MYBPC1: variants seen among roughly 807,000 people sequenced by gnomAD.
The protein encoded by MYBPC1 is myosin binding protein C1.
Under a neutral mutation model 147.1 loss-of-function variants are expected in MYBPC1, and 52 were observed. The observed-to-expected ratio is 0.35, with a 90% CI of 0.28 to 0.45. The LOEUF is 0.45. MYBPC1 is among the 20% of genes least tolerant of loss of function. The pLI is 1.00. For synonymous variants in MYBPC1, 477 were observed against 475.9 expected, an observed-to-expected ratio of 1.00 and a Z score of -0.03; for missense variants, 1,228 against 1,440.3, an observed-to-expected ratio of 0.85 and a Z score of 2.39.
At chr12:101,646,962 A>T in intron 13 of MYBPC1, 75 bp downstream of exon 13, 3 of 1,571,604 alleles carry the variant, frequency 1.9e-6, no homozygotes, top group Non-Finnish European at 2.6e-6. Context: ...TCAAAGTGAA[A>T]GTAACTGAGG....
chr12:101,619,564 A>C (rs1165622486), intron 3 of MYBPC1, among the ~76,000 whole-genome samples: 1 of 152,140 alleles, frequency 6.6e-6, no homozygotes, highest in African/African-American at 2.4e-5. Flanking sequence ...GGTAATCTGG[A>C]TAGATTTTTA....
intron 1 of MYBPC1, among the ~76,000 whole-genome samples, chr12:101,606,203 A>AACACACACACACACACAC (rs113061042): frequency 2.1e-5 from 3 of 145,782 alleles, no homozygotes; most frequent in African/African-American, 7.6e-5. Flanking sequence ...TCAAAAAAGA[A>AACACACACACACACACAC]ACACACACAC....
At chr12:101,617,476 G>A (rs1886394499) in intron 3 of MYBPC1, among the ~76,000 whole-genome samples, 1 of 152,222 alleles carries the variant, frequency 6.6e-6, no homozygotes, top group African/African-American at 2.4e-5. Flanking sequence ...ACAAGCACTT[G>A]TTGAGATGCC....
intron 22 of MYBPC1, among the ~76,000 whole-genome samples, 191 bp from the exon 23 acceptor site, chr12:101,667,541 T>C (rs1423276394): frequency 6.6e-6 from 1 of 152,238 alleles, no homozygotes; most frequent in Non-Finnish European, 1.5e-5. Context: ...TTAGCTATTT[T>C]AGGCTGTTTT....
chr12:101,598,730 T>C (rs1317772971), intron 1 of MYBPC1, among the ~76,000 whole-genome samples: 2 of 152,126 alleles, frequency 1.3e-5, no homozygotes, highest in Non-Finnish European at 2.9e-5. Context: ...CATGCCATCA[T>C]GCCCAGCTAA....
intron 22 of MYBPC1, 135 bp from the exon 23 acceptor site, chr12:101,667,597 A>T: frequency 9.4e-7 from 1 of 1,063,272 alleles, no homozygotes; most frequent in Non-Finnish European, 1.4e-6. Context: ...CGGAGTCCAG[A>T]CCAAAGTCAT....
rs1899145524 is a variant in MYBPC1 at position 101,673,423 on chromosome 12, T to C, written c.2614-4T>C. On this transcript the variant is annotated splice_region_variant and splice_polypyrimidine_tract_variant and intron_variant, in intron 24 of 31. Transcript: ENST00000361466. The stretch of plus-strand genomic sequence containing the variant: ...CTCTCTACTTTTGCTGTCTTTCTTT[T>C]TAGGGAAAACCAAGACCAGAATTAA... 2 of 1,612,046 alleles carry C rather than the reference T, an allele frequency of 1.2e-6. No homozygotes were observed.
intron 2 of MYBPC1, among the ~76,000 whole-genome samples, chr12:101,615,899 T>C (rs1885916615): frequency 6.6e-6 from 1 of 152,136 alleles, no homozygotes; most frequent in African/African-American, 2.4e-5. Flanking sequence ...GTTTTCTTTT[T>C]TCTTTTCTTT....
chr12:101,660,148 C>T (rs1010791615), intron 19 of MYBPC1: 10 of 393,158 alleles, frequency 2.5e-5, no homozygotes, highest in Non-Finnish European at 4.3e-5. Context: ...AGACAACTAT[C>T]GAAGTGCATT....
In MYBPC1 at chr12:101,595,065, G is replaced by C. The variant is rs1192126158; in HGVS notation, c.-6G>C. 6.2e-7 allele frequency: 1 copy of C among 1,613,020 alleles called. No homozygotes were observed. Among genetic ancestry groups the C allele is most frequent in the Non-Finnish European group, 8.5e-7 (1 of 1,179,182 alleles). On this transcript the variant is annotated 5_prime_UTR_variant, in exon 1 of 32. Coordinates refer to ENST00000361466, the MANE Select transcript of MYBPC1 (RefSeq NM_002465.4). ...ACTCTTTAAAGAATAACATCTTATT[G>C]TGGCCATGCCAGAACCCACTAAGAA... is the stretch of plus-strand genomic sequence containing the variant.
At chr12:101,610,703 A>C (rs1378863043) in intron 1 of MYBPC1, among the ~76,000 whole-genome samples, 1 of 152,144 alleles carries the variant, frequency 6.6e-6, no homozygotes, top group Non-Finnish European at 1.5e-5. Flanking sequence ...ACTCCTACAA[A>C]TAGGGAGGGC....
intron 26 of MYBPC1, 131 bp downstream of exon 26, chr12:101,675,562 A>G: frequency 7.3e-7 from 1 of 1,372,404 alleles, no homozygotes; most frequent in Non-Finnish European, 1.0e-6. Flanking sequence ...CAGAGCAGAA[A>G]GGAAAAGACC....
At chr12:101,649,153 C>T in intron 14 of MYBPC1, 107 bp from the exon 15 acceptor site, 1 of 971,902 alleles carries the variant, frequency 1.0e-6, no homozygotes, top group Non-Finnish European at 1.6e-6. Flanking sequence ...TCTTGTGTGT[C>T]TCATATCCTC....
Position 101,595,025 on chromosome 12 carries a change from C to A in MYBPC1, c.-46C>A. The A allele has an allele frequency of 6.2e-7, 1 of 1,600,278 alleles. No individual in the cohort carries two copies. Among genetic ancestry groups the A allele is most frequent in the South Asian group, 1.1e-5 (1 of 90,424 alleles). ...GCCTGTGGGGTTTCTGTCAACTAGT[C>A]GTGGAGGGAAGGAGACTCTTTAAAG... On this transcript the variant is annotated 5_prime_UTR_variant, in exon 1 of 32. Transcript: ENST00000361466.
At chr12:101,637,051 T>TCCGTCTCATGAC in intron 10 of MYBPC1, 9 of 292,092 alleles carry the variant, frequency 3.1e-5, no homozygotes, top group East Asian at 8.4e-5. Flanking sequence ...CACATATGAT[T>TCCGTCTCATGAC]TGGTAGAAGT....
In MYBPC1 at chr12:101,653,238, G is replaced by A. The variant is rs755935288; in HGVS notation, c.1757G>A (p.Arg586Gln). Residue 586 changes from arginine to glutamine, a missense_variant, in exon 18 of 32, where the codon CGG becomes CAG. Arg to Gln is a conservative substitution (Grantham distance 43). Around this residue, in one of 2 missense-constraint regions of MYBPC1, gnomAD observed 1,077 missense variants for 1,314.2 expected, o/e 0.82. Transcript: ENST00000361466. Reference sequence around the variant, plus strand: ...CCACCTCCTAAAGCCATGTGGAGCCGGGGAGATAAGGTTTGTTTTATGCTT... The same window carrying A: ...CCACCTCCTAAAGCCATGTGGAGCCAGGGAGATAAGGTTTGTTTTATGCTT... ...GEPPPKAMWS[R>Q]GDKAIMEGSG... is the part of the protein sequence containing the mutation. 4.5e-5 allele frequency: 72 copies of A among 1,613,736 alleles called. No individual in the cohort carries two copies. In the Middle Eastern group the frequency reaches 4.9e-4, roughly 11 times the overall value.
At chr12:101,643,905 T>G (rs1294937619) in intron 11 of MYBPC1, among the ~76,000 whole-genome samples, 1 of 152,178 alleles carries the variant, frequency 6.6e-6, no homozygotes, top group Non-Finnish European at 1.5e-5. Flanking sequence ...GGCATTCGAT[T>G]TAATATGAAT....
intron 30 of MYBPC1, 78 bp from the exon 31 acceptor site, chr12:101,684,304 A>T: frequency 9.1e-7 from 1 of 1,099,902 alleles, no homozygotes; most frequent in East Asian, 2.4e-5. Context: ...ATTTCATCCA[A>T]CAAGTACTCA....
chr12:101,598,514 A>T (rs1244110868), intron 1 of MYBPC1, among the ~76,000 whole-genome samples: 20 of 152,230 alleles, frequency 1.3e-4, no homozygotes, highest in Non-Finnish European at 1.2e-4. Context: ...GATTAAAACC[A>T]TAAAGCCTGA....
Sources: gnomAD v4.1 joint callset for allele counts (sites outside exome capture counted in the v4.1 genomes callset) on GRCh38, gnomAD v4.1.1 for gene constraint, gnomAD v4.1.1 regional missense constraint, MANE v1.5 for transcripts, NCBI Gene and HGNC (gene_info 2026-07-23, HGNC 2026-07-21) for gene names.